Variants in ASXL3 observed in about 807,000 individuals in gnomAD.
ASXL3 encodes putative Polycomb group protein ASXL3.
A neutral mutation model predicts 170.6 loss-of-function variants in ASXL3; 34 were observed. That is an observed-to-expected ratio of 0.20 (90% CI 0.15 to 0.27). The LOEUF is 0.27. Among genes scored for constraint, ASXL3 ranks in the 10% least tolerant of loss-of-function variants. The pLI, the probability that ASXL3 is intolerant of heterozygous loss-of-function variation, is 1.00. For missense variants in ASXL3, 2,592 were observed against 2,695.3 expected (o/e 0.96, Z 0.85); for synonymous variants, 1,002 against 989.1 (o/e 1.01, Z -0.24).
intron 8 of ASXL3, among the ~76,000 whole-genome samples, chr18:33,685,411 T>C (rs2066578313): frequency 6.6e-6 from 1 of 152,202 alleles, no homozygotes; most frequent in South Asian, 2.1e-4. Flanking sequence ...TCTTCCGTTA[T>C]AAGCTTGTGT....
chr18:33,742,470 C>G (rs941987055), intron 11 of ASXL3, among the ~76,000 whole-genome samples: 1 of 152,066 alleles, frequency 6.6e-6, no homozygotes, highest in Non-Finnish European at 1.5e-5. Flanking sequence ...TTCTTTGGGT[C>G]AAATTAAGAC....
chr18:33,673,785 T>A (rs1279775298), intron 7 of ASXL3, among the ~76,000 whole-genome samples: 1 of 152,230 alleles, frequency 6.6e-6, no homozygotes, highest in African/African-American at 2.4e-5. Context: ...CAAGCCTGCT[T>A]TTAGGAAATC....
intron 9 of ASXL3, among the ~76,000 whole-genome samples, chr18:33,732,774 G>A (rs1389068): frequency 6.6e-6 from 1 of 151,092 alleles, no homozygotes; most frequent in Non-Finnish European, 1.5e-5. Flanking sequence ...ATGGATCACC[G>A]GGGCTCAGGA....
At chr18:33,729,842 G>C (rs2067414088) in intron 8 of ASXL3, among the ~76,000 whole-genome samples, 1 of 152,056 alleles carries the variant, frequency 6.6e-6, no homozygotes, top group African/African-American at 2.4e-5. Context: ...TGCCCTGTCA[G>C]GATGTCAATC....
chr18:33,654,749 C>A (rs1479181103), intron 4 of ASXL3, among the ~76,000 whole-genome samples: 1 of 151,878 alleles, frequency 6.6e-6, no homozygotes, highest in Non-Finnish European at 1.5e-5. Context: ...AGTATTATTA[C>A]TCTCCATTAC....
chr18:33,687,945 T>C (rs967834117), intron 8 of ASXL3, among the ~76,000 whole-genome samples: 1 of 152,192 alleles, frequency 6.6e-6, no homozygotes, highest in African/African-American at 2.4e-5. Flanking sequence ...AAGGACCATT[T>C]CATTATTTAA....
rs1257365720 is a variant in ASXL3 at position 33,720,304 on chromosome 18, A to AG, written c.880-11664_880-11663insG. On this transcript the variant is annotated intron_variant, in intron 8 of 11. Coordinates refer to ENST00000269197, the MANE Select transcript of ASXL3 (RefSeq NM_030632.3). Reference sequence around the variant, plus strand: ...TGTTTGTTAAAGAAAGGAATGACTAATAGATAGTCACTTAAACACAGCTGT... The same window carrying AG: ...TGTTTGTTAAAGAAAGGAATGACTAAGTAGATAGTCACTTAAACACAGCTGT... Among the ~76,000 whole-genome samples the AG allele has an allele frequency of 3.0e-3, 459 of 152,172 alleles. 2 individuals are homozygous for AG. The highest frequency in any genetic ancestry group is 5.9e-3 in the Non-Finnish European group (398 of 67,962).
chr18:33,720,434 A>G (rs548576731), intron 8 of ASXL3, among the ~76,000 whole-genome samples: 37 of 152,114 alleles, frequency 2.4e-4, no homozygotes, highest in Non-Finnish European at 4.4e-4. Flanking sequence ...CACTAAATAA[A>G]ACATTAGTAT....
At chr18:33,613,896 A>G (rs1001893530) in intron 2 of ASXL3, among the ~76,000 whole-genome samples, 5 of 152,106 alleles carry the variant, frequency 3.3e-5, no homozygotes, top group South Asian at 4.1e-4. Flanking sequence ...CTCCACTCCA[A>G]CTTGGGTGAC....
Position 33,744,770 on chromosome 18 carries a change from C to T in ASXL3, c.4922C>T (p.Ala1641Val), listed in dbSNP as rs773483988. Residue 1641 changes from alanine (A) to valine (V), a missense_variant, in exon 12 of 12, where the codon GCT (alanine) becomes GTT (valine). This residue lies in a region of ASXL3 where 2,246 missense variants were observed against 2,219.6 expected (regional missense o/e 1.01). Coordinates refer to ENST00000269197, the MANE Select transcript of ASXL3 (RefSeq NM_030632.3). ...KEYLEQSCPK[A>V]IKTEHANYLN... ...TATCTAGAGCAAAGCTGTCCAAAGG[C>T]TATCAAAACTGAACATGCCAACTAC... The T allele has an allele frequency of 1.2e-6, 2 of 1,613,888 alleles. No homozygotes were observed. The highest frequency in any genetic ancestry group is 1.7e-5 in the Admixed American group (1 of 60,008).
At chr18:33,578,949 G>C (rs2064970009) in intron 1 of ASXL3, 2 of 185,036 alleles carry the variant, frequency 1.1e-5, no homozygotes, top group Non-Finnish European at 2.2e-5. Flanking sequence ...TTCGCTCTCG[G>C]GGCTCTGCTG....
At position 33,744,476 on chromosome 18, in the gene ASXL3, C is replaced by T. The variant is rs781715733; in HGVS notation, c.4628C>T (p.Ser1543Leu). The change falls in exon 12 of 12, where the codon TCG (serine) becomes TTG (leucine). Residue 1543 changes from serine (S) to leucine (L), a missense_variant. By Grantham distance (145) the Ser-to-Leu change is moderately radical. Coordinates refer to ENST00000269197, the MANE Select transcript of ASXL3 (RefSeq NM_030632.3). ...IDHSSTFIAA[S>L]AAKQDSKTLP... The stretch of plus-strand genomic sequence containing the variant: ...CACAGTTCCACTTTCATTGCTGCTT[C>T]GGCAGCAAAACAAGACAGTAAAACA... 39 of 1,613,002 alleles carry T rather than the reference C, an allele frequency of 2.4e-5. No homozygotes were observed. The highest frequency in any genetic ancestry group is 8.3e-5 in the Admixed American group (5 of 59,950).
chr18:33,578,398 C>T lies in ASXL3; in HGVS notation c.-234C>T, dbSNP rs1225108461. 2 of 111,048 alleles carry T rather than the reference C, an allele frequency of 1.8e-5. No homozygotes were observed. The highest frequency in any genetic ancestry group is 3.9e-5 in the Non-Finnish European group (2 of 51,914). The allele number at this position is 111,048 out of a possible 1,614,324, so 6.9% of individuals were successfully genotyped here. Reference sequence around the variant, plus strand: ...CCCCGGCCCGCCCGCCGCGCGCCGCCGCCGCCGCCGTCGCGCGCCCCCACC... The same window carrying T: ...CCCCGGCCCGCCCGCCGCGCGCCGCTGCCGCCGCCGTCGCGCGCCCCCACC... On this transcript the variant is annotated 5_prime_UTR_variant, in exon 1 of 12. Transcript: ENST00000269197.
At chr18:33,661,778 A>C (rs374143646) in intron 5 of ASXL3, 41 bp downstream of exon 5, 1 of 1,594,020 alleles carries the variant, frequency 6.3e-7, no homozygotes, top group African/African-American at 1.3e-5. Context: ...TCAGTTCTGC[A>C]TACTTAAGGT....
In ASXL3 at chr18:33,661,622, C is replaced by T. The variant is rs753959478; in HGVS notation, c.362C>T (p.Ser121Leu). 1.6e-5 allele frequency: 26 copies of T among 1,608,500 alleles called. No homozygotes were observed. In the Middle Eastern group the frequency reaches 4.9e-4, roughly 31 times the overall value. Residue 121 changes from serine (S) to leucine (L), a missense_variant, in exon 5 of 12, where the codon TCG becomes TTG. By Grantham distance (145) the Ser-to-Leu change is moderately radical (BLOSUM62 -2). Transcript: ENST00000269197. Reference protein sequence around the residue: ...NAHGEENGVCSKQVTDEASST... With the variant: ...NAHGEENGVCLKQVTDEASST... ...TATCTCTCTCTGTTTCTAGTTTGTTCGAAGCAGGTAACTGATGAAGCATCT... is the reference window on the plus strand; with the variant it reads ...TATCTCTCTCTGTTTCTAGTTTGTTTGAAGCAGGTAACTGATGAAGCATCT...
intron 7 of ASXL3, among the ~76,000 whole-genome samples, chr18:33,680,204 G>A (rs942418270): frequency 6.6e-6 from 1 of 151,162 alleles, no homozygotes; most frequent in African/African-American, 2.4e-5. Flanking sequence ...TTTTTTTTCT[G>A]TAACGTGTAA....
intron 4 of ASXL3, among the ~76,000 whole-genome samples, chr18:33,655,664 A>G (rs1405010164): frequency 1.3e-5 from 2 of 152,080 alleles, no homozygotes; most frequent in African/African-American, 2.4e-5. Context: ...GAATGGTTTA[A>G]TTGGGGTTAG....
rs766292946 is a variant in ASXL3, at chr18:33,745,524, T to C, written c.5676T>C (p.Pro1892=). The C allele has an allele frequency of 8.1e-6, 13 of 1,613,896 alleles. No homozygotes were observed. Among genetic ancestry groups the C allele is most frequent in the Non-Finnish European group, 1.1e-5 (13 of 1,179,908 alleles). The change falls in exon 12 of 12, where the codon CCT becomes CCC. Residue 1892 remains proline, a synonymous_variant. Coordinates refer to ENST00000269197, the MANE Select transcript of ASXL3 (RefSeq NM_030632.3). ...TGCAGAACAGAATTGTTCACAGCCC[T>C]GAGGTCAAACAGCAAAAGCGGCTGC... The part of the protein sequence containing the change: ...HSMQNRIVHS[P]EVKQQKRLLP...
intron 8 of ASXL3, among the ~76,000 whole-genome samples, chr18:33,701,866 T>C (rs574702595): frequency 6.6e-6 from 1 of 152,186 alleles, no homozygotes; most frequent in East Asian, 1.9e-4. Flanking sequence ...GTGCGCCACA[T>C]ATCTATGATG....
Sources: allele counts gnomAD v4.1 joint callset (sites outside exome capture counted in the v4.1 genomes callset), GRCh38; gene constraint gnomAD v4.1.1; regional missense constraint gnomAD v4.1.1; transcripts MANE v1.5; gene names NCBI Gene and HGNC (gene_info 2026-07-23, HGNC 2026-07-21).